The following PRG4 variants were observed in gnomAD, a reference collection of about 807,000 sequenced individuals.
The protein encoded by PRG4 is proteoglycan 4, also known as articular superficial zone protein.
PRG4 carries 61 observed loss-of-function variants against 91.2 expected under a neutral mutation model. The observed-to-expected ratio is 0.67, with a 90% CI of 0.54 to 0.83. The LOEUF is 0.83. Ranked by LOEUF, PRG4 falls within the 40% of genes least tolerant of loss-of-function variation. The pLI, the probability that PRG4 is intolerant of heterozygous loss-of-function variation, is 0.00. For synonymous variants in PRG4, 576 were observed against 614.2 expected (o/e 0.94, Z 0.92); for missense variants, 1,564 against 1,714.2 (o/e 0.91, Z 1.55).
rs183587223 is a variant in PRG4 at position 186,306,697 on chromosome 1, A to G, written c.978A>G (p.Lys326=). The change falls in exon 7 of 13, where the codon AAA becomes AAG. Residue 326 remains lysine, a synonymous_variant. Coordinates refer to ENST00000445192, the MANE Select transcript of PRG4 (RefSeq NM_005807.6). ...CTAAAGATTTAGCACCCACATCTAA[A>G]GTGCTGGCTAAACCTACACCCAAAG... ...TSAKDLAPTS[K]VLAKPTPKAE... 17 of 1,613,744 alleles carry G rather than the reference A, an allele frequency of 1.1e-5. No homozygotes were observed. The Admixed American group carries it at 1.2e-4, about 11-fold the overall frequency.
rs758795687 is a variant in PRG4, at chr1:186,314,010, C to A, written c.*232C>A. On this transcript the variant is annotated 3_prime_UTR_variant, in exon 13 of 13. Transcript: ENST00000445192. ...CTCTGTTTATTCCTCCTCTCCCTCC[C>A]ATTGCATGGCTCACACCTGTAAAAG... 6.2e-7 allele frequency: 1 copy of A among 1,611,524 alleles called. No homozygotes were observed. Among genetic ancestry groups the A allele is most frequent in the South Asian group, 1.1e-5 (1 of 91,006 alleles).
intron 8 of PRG4, among the ~76,000 whole-genome samples, chr1:186,310,571 C>G (rs1339466853): frequency 2.0e-5 from 3 of 152,128 alleles, no homozygotes; most frequent in African/African-American, 7.2e-5. Flanking sequence ...CAGGCTCGAT[C>G]TCCTGGGCCC....
intron 4 of PRG4, 67 bp downstream of exon 4, chr1:186,301,778 C>A (rs1012701520): frequency 2.0e-6 from 3 of 1,537,810 alleles, no homozygotes; most frequent in African/African-American, 1.4e-5. Flanking sequence ...CTTAGCATCA[C>A]TGATAATGTC....
At chr1:186,305,030 A>G (rs1244587320) in intron 6 of PRG4, 108 bp downstream of exon 6, 66 of 1,184,664 alleles carry the variant, frequency 5.6e-5, no homozygotes, top group Non-Finnish European at 7.8e-5. Flanking sequence ...TATGGGGGGG[A>G]ATATAACTTT....
rs558369432 is a variant in PRG4 at position 186,306,711 on chromosome 1, C to T, written c.992C>T (p.Pro331Leu). ...LAPTSKVLAK[P>L]TPKAETTTKG... is the part of the protein sequence containing the mutation. Reference sequence around the variant, plus strand: ...CCCACATCTAAAGTGCTGGCTAAACCTACACCCAAAGCTGAAACTACAACC... The same window carrying T: ...CCCACATCTAAAGTGCTGGCTAAACTTACACCCAAAGCTGAAACTACAACC... Residue 331 changes from proline (P) to leucine (L), a missense_variant, in exon 7 of 13, where the codon CCT (proline) becomes CTT (leucine). Around this residue, in one of 3 missense-constraint regions of PRG4, gnomAD observed 437 missense variants for 459.0 expected, o/e 0.95. Coordinates refer to ENST00000445192, the MANE Select transcript of PRG4 (RefSeq NM_005807.6). 6.2e-7 allele frequency: 1 copy of T among 1,613,736 alleles called. No individual in the cohort carries two copies. Among genetic ancestry groups the T allele is most frequent in the African/African-American group, 1.3e-5 (1 of 74,940 alleles).
chr1:186,296,909 T>TTGC lies in PRG4; in HGVS notation c.40_42dup (p.Leu14dup). 1 of 1,614,046 alleles carries TTGC rather than the reference T, an allele frequency of 6.2e-7. No homozygotes were observed. The highest frequency in any genetic ancestry group is 1.3e-5 in the African/African-American group (1 of 75,062). ...GAAAACACTTCCCATTTACCTGTTG[T>TTGC]TGCTGCTGTCTGTTTTCGTGATTCA... On this transcript the variant is annotated inframe_insertion, in exon 2 of 13. Coordinates refer to ENST00000445192, the MANE Select transcript of PRG4 (RefSeq NM_005807.6).
chr1:186,306,171 C>T lies in PRG4; in HGVS notation c.599-147C>T, dbSNP rs1656540685. ...CCCAATAAGATAGGTTGAGTATTTG[C>T]CATTTTACAACAAATTAAAGGACAT... On this transcript the variant is annotated intron_variant, in intron 6 of 12. Coordinates refer to ENST00000445192, the MANE Select transcript of PRG4 (RefSeq NM_005807.6). 7 of 654,044 alleles carry T rather than the reference C, an allele frequency of 1.1e-5. No homozygotes were observed. The South Asian group carries it at 1.6e-4, about 15-fold the overall frequency. The allele number at this position is 654,044 out of a possible 1,614,324, so 40.5% of individuals were successfully genotyped here.
chr1:186,306,148 C>T (rs187774567), intron 6 of PRG4, among the ~76,000 whole-genome samples, 170 bp from the exon 7 acceptor site: 31 of 151,858 alleles, frequency 2.0e-4, no homozygotes, highest in Non-Finnish European at 3.8e-4. Context: ...TAAAACAGCC[C>T]AATAAGATAG....
At chr1:186,303,965 G>A (rs1302793371) in intron 4 of PRG4, 143 bp from the exon 5 acceptor site, 2 of 823,642 alleles carry the variant, frequency 2.4e-6, no homozygotes, top group African/African-American at 3.4e-5. Context: ...CTTAAATGGA[G>A]TCATTCGTGT....
chr1:186,307,138 GCCTGC>G lies in PRG4; in HGVS notation c.1420_1424del (p.Pro474ThrfsTer163). 6 of 1,161,086 alleles carry G rather than the reference GCCTGC, an allele frequency of 5.2e-6. No individual in the cohort carries two copies. Among genetic ancestry groups the G allele is most frequent in the Non-Finnish European group, 7.2e-6 (6 of 834,392 alleles). The allele number at this position is 1,161,086 out of a possible 1,614,324, so 71.9% of individuals were successfully genotyped here. On this transcript the variant is annotated frameshift_variant, in exon 7 of 13. Transcript: ENST00000445192. LOFTEE classifies it high-confidence loss of function. ...AGGAGCCTGCACCCACCACCAAGGAGCCTGCACCCACCACTCCCAAAGAGCCTGCA... is the reference window on the plus strand; with the variant it reads ...AGGAGCCTGCACCCACCACCAAGGAGACCCACCACTCCCAAAGAGCCTGCA...
Position 186,307,679 on chromosome 1 carries a change from G to C in PRG4, c.1960G>C (p.Glu654Gln). ...TGAGGAGCTCGCACCCACCACCCCT[G>C]AGGAGCCCACACCCACCACCCCTGA... ...TPEELAPTTPEEPTPTTPEEP... is the reference protein window; with the variant it reads ...TPEELAPTTPQEPTPTTPEEP... Residue 654 changes from glutamate (E) to glutamine (Q), a missense_variant, in exon 7 of 13, where the codon GAG (glutamate) becomes CAG (glutamine). Glu to Gln is a conservative substitution (Grantham distance 29). Around this residue, in one of 3 missense-constraint regions of PRG4, gnomAD observed 1,079 missense variants for 1,162.2 expected, o/e 0.93. Coordinates refer to ENST00000445192, the MANE Select transcript of PRG4 (RefSeq NM_005807.6). The C allele has an allele frequency of 1.5e-6, 2 of 1,324,276 alleles. No individual in the cohort carries two copies. 82.0% of individuals were successfully genotyped at this position (1,324,276 alleles called of 1,614,324 possible).
chr1:186,303,848 C>T (rs771885913), intron 4 of PRG4, among the ~76,000 whole-genome samples: 11 of 152,116 alleles, frequency 7.2e-5, no homozygotes, highest in South Asian at 6.2e-4. Context: ...GGTAGAGGCT[C>T]GCAGGCCTAG....
At chr1:186,310,506 C>T (rs1054311869) in intron 8 of PRG4, among the ~76,000 whole-genome samples, 2 of 151,910 alleles carry the variant, frequency 1.3e-5, no homozygotes, top group African/African-American at 2.4e-5. Context: ...TTTTTGAGAC[C>T]GGATCTCCCT....
chr1:186,308,073 C>A lies in PRG4; in HGVS notation c.2354C>A (p.Thr785Asn), dbSNP rs1656867052. Residue 785 changes from threonine (T) to asparagine (N), a missense_variant, in exon 7 of 13, where the codon ACC becomes AAC. Physicochemically the swap from Thr to Asn is moderately conservative, Grantham distance 65. Around this residue, in one of 3 missense-constraint regions of PRG4, gnomAD observed 1,079 missense variants for 1,162.2 expected, o/e 0.93. Coordinates refer to ENST00000445192, the MANE Select transcript of PRG4 (RefSeq NM_005807.6). ...PTTPKGTAPT[T>N]LKEPAPTTPK... is the part of the protein sequence containing the mutation. Reference sequence around the variant, plus strand: ...ACCCCTAAGGGGACTGCTCCAACTACCCTCAAGGAACCTGCACCCACTACT... The same window carrying A: ...ACCCCTAAGGGGACTGCTCCAACTAACCTCAAGGAACCTGCACCCACTACT... 6.2e-7 allele frequency: 1 copy of A among 1,610,900 alleles called. No individual in the cohort carries two copies. The highest frequency in any genetic ancestry group is 8.5e-7 in the Non-Finnish European group (1 of 1,179,288).
chr1:186,297,433 A>T (rs780090221), intron 2 of PRG4, among the ~76,000 whole-genome samples: 2 of 152,226 alleles, frequency 1.3e-5, no homozygotes. Flanking sequence ...GCATTTTATT[A>T]GTCTTGAAAA....
At chr1:186,301,434 T>C (rs1255751790) in intron 3 of PRG4, among the ~76,000 whole-genome samples, 158 bp from the exon 4 acceptor site, 1 of 152,184 alleles carries the variant, frequency 6.6e-6, no homozygotes, top group Non-Finnish European at 1.5e-5. Flanking sequence ...TGGGATACCA[T>C]CTAATTTTTC....
At chr1:186,309,648 T>TAACTA in intron 7 of PRG4, 145 bp from the exon 8 acceptor site, 1 of 671,638 alleles carries the variant, frequency 1.5e-6, no homozygotes, top group Non-Finnish European at 2.7e-6. Context: ...ATCAAGTATA[T>TAACTA]AACTATGCAA....
At chr1:186,302,215 A>C (rs1336545613) in intron 4 of PRG4, among the ~76,000 whole-genome samples, 3 of 152,190 alleles carry the variant, frequency 2.0e-5, no homozygotes, top group Non-Finnish European at 4.4e-5. Context: ...AAATCTACCT[A>C]ACACGTTGTT....
Position 186,306,064 on chromosome 1 carries a change from T to C in PRG4, c.599-254T>C, listed in dbSNP as rs74716550. 6.1e-3 allele frequency among the ~76,000 whole-genome samples: 925 copies of C among 152,298 alleles called. 14 individuals carry two copies. Among genetic ancestry groups the C allele is most frequent in the African/African-American group, 0.022 (895 of 41,554 alleles). On this transcript the variant is annotated intron_variant, in intron 6 of 12. Coordinates refer to ENST00000445192, the MANE Select transcript of PRG4 (RefSeq NM_005807.6). ...ATTTATCGTGTTGGTAATTTTGAAC[T>C]TGCCACTGACTTCCATGTATTAATT...
Sources: gnomAD v4.1 joint callset for allele counts (sites outside exome capture counted in the v4.1 genomes callset) on GRCh38, gnomAD v4.1.1 for gene constraint, gnomAD v4.1.1 regional missense constraint, MANE v1.5 for transcripts, NCBI Gene and HGNC (gene_info 2026-07-23, HGNC 2026-07-21) for gene names.